CACNA2D1: variants seen among roughly 807,000 people sequenced by gnomAD.
CACNA2D1 encodes calcium voltage-gated channel auxiliary subunit alpha2delta 1.
CACNA2D1 carries 53 observed loss-of-function variants against 171.5 expected under a neutral mutation model. That is an observed-to-expected ratio of 0.31 (90% CI 0.25 to 0.39). The LOEUF is 0.39. Ranked by LOEUF, CACNA2D1 falls within the 10% of genes least tolerant of loss-of-function variation. CACNA2D1 has a pLI of 1.00. For synonymous variants in CACNA2D1, 442 were observed against 443.1 expected (o/e 1.00, Z 0.03); for missense variants, 903 against 1,299.8 (o/e 0.69, Z 4.69).
intron 4 of CACNA2D1, among the ~76,000 whole-genome samples, chr7:82,157,896 A>C: frequency 6.6e-6 from 1 of 152,028 alleles, no homozygotes; most frequent in Non-Finnish European, 1.5e-5. Flanking sequence ...TTGAGTTCTA[A>C]GGTAACAAAC....
chr7:82,040,696 C>T (rs561639757), intron 10 of CACNA2D1, among the ~76,000 whole-genome samples: 9 of 152,158 alleles, frequency 5.9e-5, no homozygotes, highest in South Asian at 4.2e-4. Context: ...CCAGTAGGGC[C>T]GGGCACAGTG....
At position 81,964,373 on chromosome 7, in the gene CACNA2D1, A is replaced by T. The variant is rs1338037516; in HGVS notation, c.2575-14T>A. On this transcript the variant is annotated splice_polypyrimidine_tract_variant and intron_variant, in intron 32 of 38. Transcript: ENST00000356860. ...AAATCTTCCAATCTGGTGAAGAAAA[A>T]AATCATAAAGCAACGTGCACTTAAA... 1.4e-5 allele frequency: 22 copies of T among 1,609,888 alleles called. No homozygotes were observed. The highest frequency in any genetic ancestry group is 1.9e-5 in the Non-Finnish European group (22 of 1,177,626).
intron 18 of CACNA2D1, among the ~76,000 whole-genome samples, chr7:81,999,892 T>C (rs57453368): frequency 0.017 from 2,592 of 152,334 alleles, 73 homozygotes; most frequent in African/African-American, 0.06. Context: ...TCTAAAATTC[T>C]AGCACTGGAA....
chr7:81,967,065 C>A (rs780709498), intron 31 of CACNA2D1, 104 bp downstream of exon 31: 4 of 752,260 alleles, frequency 5.3e-6, no homozygotes, highest in Non-Finnish European at 6.7e-6. Flanking sequence ...AATTTTTTAG[C>A]CTTTGATTAA....
intron 3 of CACNA2D1, among the ~76,000 whole-genome samples, chr7:82,287,182 T>C (rs1469263163): frequency 6.6e-6 from 1 of 152,140 alleles, no homozygotes; most frequent in African/African-American, 2.4e-5. Flanking sequence ...TAACTTCAAG[T>C]CTAATTGCAC....
intron 3 of CACNA2D1, among the ~76,000 whole-genome samples, chr7:82,332,564 A>AAGAAAAAGAAAGAAAGAAAG (rs200114409): frequency 1.4e-5 from 2 of 144,140 alleles, no homozygotes; most frequent in Admixed American, 6.9e-5. Context: ...GAAAGAAAGA[A>AAGAAAAAGAAAGAAAGAAAG]AGAACGAACA....
chr7:82,217,448 A>G (rs1554466981), intron 3 of CACNA2D1, among the ~76,000 whole-genome samples: 1 of 132,092 alleles, frequency 7.6e-6, no homozygotes, highest in Non-Finnish European at 1.6e-5. Flanking sequence ...CTATGTCTTT[A>G]GGATATAAAG....
chr7:82,054,773 G>T (rs2131335601), intron 10 of CACNA2D1, among the ~76,000 whole-genome samples: 1 of 152,222 alleles, frequency 6.6e-6, no homozygotes, highest in African/African-American at 2.4e-5. Flanking sequence ...CATCACTGGA[G>T]TCAAAAAACT....
At chr7:82,442,789 C>CT (rs1010584085) in intron 1 of CACNA2D1, among the ~76,000 whole-genome samples, 4 of 152,140 alleles carry the variant, frequency 2.6e-5, no homozygotes, top group African/African-American at 7.2e-5. Context: ...GAGCCCCCTG[C>CT]GTGGACAGCA....
chr7:82,248,529 C>T (rs940853290), intron 3 of CACNA2D1, among the ~76,000 whole-genome samples: 2 of 152,158 alleles, frequency 1.3e-5, no homozygotes, highest in Admixed American at 1.3e-4. Context: ...TTTTCTTATT[C>T]ATAGGCTAAT....
At chr7:82,094,362 A>G (rs1811608657) in intron 6 of CACNA2D1, among the ~76,000 whole-genome samples, 1 of 152,250 alleles carries the variant, frequency 6.6e-6, no homozygotes, top group African/African-American at 2.4e-5. Context: ...ATATCCTTGT[A>G]TCTCTAGTTG....
intron 1 of CACNA2D1, among the ~76,000 whole-genome samples, chr7:82,412,280 C>CT (rs11419755): frequency 0.41 from 50,917 of 124,828 alleles, 11,219 homozygotes; most frequent in African/African-American, 0.47. Context: ...GTGCTTGTAA[C>CT]TTTTTTTTTT....
At chr7:82,197,799 T>C (rs1798996346) in intron 3 of CACNA2D1, among the ~76,000 whole-genome samples, 1 of 132,664 alleles carries the variant, frequency 7.5e-6, no homozygotes, top group South Asian at 2.6e-4. Flanking sequence ...ATGTCTTTTT[T>C]AAACTATACA....
chr7:81,960,550 T>C (rs932748526), intron 36 of CACNA2D1, among the ~76,000 whole-genome samples: 3 of 152,078 alleles, frequency 2.0e-5, no homozygotes, highest in Non-Finnish European at 4.4e-5. Flanking sequence ...ACATAAAAAA[T>C]GTAAATATAT....
chr7:82,216,538 T>C (rs2129237340), intron 3 of CACNA2D1, among the ~76,000 whole-genome samples: 1 of 152,296 alleles, frequency 6.6e-6, no homozygotes, highest in South Asian at 2.1e-4. Context: ...TGCTACATAT[T>C]CATGAGATAT....
intron 1 of CACNA2D1, among the ~76,000 whole-genome samples, chr7:82,423,301 T>A (rs1266100895): frequency 2.0e-5 from 3 of 152,268 alleles, no homozygotes; most frequent in East Asian, 3.9e-4. Flanking sequence ...TTCTTGGAAA[T>A]AAAATCTTTG....
At chr7:82,340,345 T>G (rs149771154) in intron 2 of CACNA2D1, among the ~76,000 whole-genome samples, 5,683 of 151,902 alleles carry the variant, frequency 0.037, 152 homozygotes, top group Middle Eastern at 0.082. Flanking sequence ...TTTTTTGTTT[T>G]TTTTTTTTTT....
intron 1 of CACNA2D1, among the ~76,000 whole-genome samples, chr7:82,411,566 T>C (rs897029322): frequency 6.6e-6 from 1 of 152,152 alleles, no homozygotes; most frequent in African/African-American, 2.4e-5. Context: ...ATTTAAAATA[T>C]ATTGCTGACA....
At chr7:82,342,134 T>C (rs1818741678) in intron 2 of CACNA2D1, among the ~76,000 whole-genome samples, 1 of 152,012 alleles carries the variant, frequency 6.6e-6, no homozygotes, top group Admixed American at 6.6e-5. Flanking sequence ...CTTTTTTTTC[T>C]TTTCCCTATA....
Sources: gnomAD v4.1 joint callset for allele counts (sites outside exome capture counted in the v4.1 genomes callset) on GRCh38, gnomAD v4.1.1 for gene constraint, MANE v1.5 for transcripts, NCBI Gene and HGNC (gene_info 2026-07-23, HGNC 2026-07-21) for gene names.